Variants in COG8 observed in about 807,000 individuals in gnomAD.
COG8 encodes the protein conserved oligomeric Golgi complex subunit 8.
A neutral mutation model predicts 46.5 loss-of-function variants in COG8; 45 were observed. The ratio of observed to expected loss-of-function variants is 0.97; its 90% CI spans 0.76 to 1.24. The LOEUF (loss-of-function observed/expected upper bound fraction) is 1.24. Among genes scored for constraint, COG8 ranks in the 50% most tolerant of loss-of-function variants. The pLI is 0.00. For synonymous variants in COG8, 407 were observed against 347.8 expected (o/e 1.17, Z -1.90); for missense variants, 793 against 820.8 (o/e 0.97, Z 0.41).
intron 2 of COG8, among the ~76,000 whole-genome samples, chr16:69,336,265 A>C (rs554840962): frequency 1.5e-4 from 23 of 152,252 alleles, no homozygotes; most frequent in Middle Eastern, 3.4e-3. Context: ...TCCCATTAGC[A>C]CGTAAGCTGC....
In COG8 at chr16:69,328,718, G is replaced by A. The variant is rs907678392; in HGVS notation, c.*488C>T. On this transcript the variant is annotated 3_prime_UTR_variant, in exon 6 of 6. Transcript: ENST00000306875. ...TGGCTTTGGGAGATTATACAGGTCC[G>A]AGGAACTCGTGTCTACTGCAGACGA... The A allele has an allele frequency of 2.0e-5, 7 of 342,364 alleles. No individual in the cohort carries two copies. Among genetic ancestry groups the A allele is most frequent in the South Asian group, 1.0e-4 (3 of 29,934 alleles). The allele number at this position is 342,364 out of a possible 1,614,324, so 21.2% of individuals were successfully genotyped here.
In COG8 at chr16:69,334,836, C is replaced by A. The variant is rs573178649; in HGVS notation, c.1098G>T (p.Gln366His). 1.7e-5 allele frequency: 28 copies of A among 1,614,194 alleles called. No individual in the cohort carries two copies. The highest frequency in any genetic ancestry group is 3.3e-5 in the Admixed American group (2 of 60,020). Reference sequence around the variant, plus strand: ...CCACCCGCTGGAAAACAGGAGCCAACTGACCCCGGAAATCAGCTCCCACCC... The same window carrying A: ...CCACCCGCTGGAAAACAGGAGCCAAATGACCCCGGAAATCAGCTCCCACCC... ...FSRVGADFRG[Q>H]LAPVFQRVAI... The change falls in exon 3 of 6, where the codon CAG becomes CAT. Residue 366 changes from glutamine to histidine, a missense_variant. Transcript: ENST00000306875.
At position 69,327,832 on chromosome 16, in the gene COG8, T is replaced by G. The variant is rs1965648300; in HGVS notation, c.*1374A>C. ...TTTGAGGCCAGCCTGGGCAACATAGTAAGACCCCCGTCTCTATCTTAAAAA... is the reference window on the plus strand; with the variant it reads ...TTTGAGGCCAGCCTGGGCAACATAGGAAGACCCCCGTCTCTATCTTAAAAA... On this transcript the variant is annotated 3_prime_UTR_variant, in exon 6 of 6. Transcript: ENST00000306875. 6.6e-6 allele frequency: 1 copy of G among 150,772 alleles called. No individual in the cohort carries two copies. The highest frequency in any genetic ancestry group is 2.1e-4 in the South Asian group (1 of 4,790). 9.3% of individuals were successfully genotyped at this position (150,772 alleles called of 1,614,324 possible). A position where few individuals can be genotyped will look rare whatever the true frequency, so the allele number is the denominator to read the frequency against.
rs1264647679 is a variant in COG8 at position 69,336,519 on chromosome 16, TG to T, written c.570del (p.Ile191SerfsTer8). 1.9e-6 allele frequency: 3 copies of T among 1,613,984 alleles called. No homozygotes were observed. The highest frequency in any genetic ancestry group is 4.5e-5 in the East Asian group (2 of 44,902). Reference sequence around the variant, plus strand: ...AAGGTGGCTACCTGGATGACAGGGATGGAAGAGTATTTCCTCTCCAGTCGGC... The same window carrying T: ...AAGGTGGCTACCTGGATGACAGGGATGAAGAGTATTTCCTCTCCAGTCGGC... ...YVRRLERKYS[S>X]IPVIQGIVNE... is the part of the protein sequence containing the mutation. On this transcript the variant is annotated frameshift_variant, in exon 2 of 6. Coordinates refer to ENST00000306875, the MANE Select transcript of COG8 (RefSeq NM_032382.5). LOFTEE classifies it high-confidence loss of function.
intron 3 of COG8, among the ~76,000 whole-genome samples, chr16:69,333,624 TC>T (rs2012023120): frequency 6.6e-6 from 1 of 152,132 alleles, no homozygotes; most frequent in African/African-American, 2.4e-5. Context: ...AAGAGAAGTT[TC>T]AAAACCAACA....
At chr16:69,337,681 AGGC>A (rs2012280116) in intron 1 of COG8, among the ~76,000 whole-genome samples, 1 of 152,186 alleles carries the variant, frequency 6.6e-6, no homozygotes, top group Non-Finnish European at 1.5e-5. Context: ...TAATCATGAA[AGGC>A]TGGAAGGCAG....
intron 5 of COG8, chr16:69,329,919 C>A: frequency 7.1e-7 from 1 of 1,417,724 alleles, no homozygotes; most frequent in Non-Finnish European, 9.2e-7. Flanking sequence ...TGAACCGCGA[C>A]CACTTCTGCG....
rs769636954 is a variant in COG8, at chr16:69,334,913, G to A, written c.1021C>T (p.His341Tyr). ...CACTGGCCCAGCAGAGAGTCCAGGT[G>A]GCCGCCTATGCCCCGGTAAAGGTCG... ...ETDLYRGIGG[H>Y]LDSLLGQCMY... is the part of the protein sequence containing the mutation. The change falls in exon 3 of 6, where the codon CAC becomes TAC. Residue 341 changes from histidine (H) to tyrosine (Y), a missense_variant. His to Tyr is a moderately conservative substitution (Grantham distance 83). Coordinates refer to ENST00000306875, the MANE Select transcript of COG8 (RefSeq NM_032382.5). 9 of 1,614,178 alleles carry A rather than the reference G, an allele frequency of 5.6e-6. No individual in the cohort carries two copies. The highest frequency in any genetic ancestry group is 1.1e-5 in the South Asian group (1 of 91,084).
chr16:69,336,393 G>A, intron 2 of COG8, 112 bp downstream of exon 2: 1 of 956,042 alleles, frequency 1.0e-6, no homozygotes, highest in Non-Finnish European at 1.6e-6. Context: ...TACCTGGCTG[G>A]CAGAAACTGA....
At chr16:69,338,977 G>A (rs1238524242) in intron 1 of COG8, 199 bp downstream of exon 1, 5 of 745,120 alleles carry the variant, frequency 6.7e-6, no homozygotes, top group East Asian at 2.8e-5. Context: ...CTGGCGACAG[G>A]GCGAGACTCC....
intron 1 of COG8, 105 bp from the exon 2 acceptor site, chr16:69,336,817 A>T (rs1021958175): frequency 2.1e-5 from 21 of 1,011,820 alleles, no homozygotes; most frequent in Non-Finnish European, 3.2e-5. Flanking sequence ...GATCTATCTG[A>T]TTTATTCCTC....
chr16:69,337,443 AT>A (rs2012269679), intron 1 of COG8, among the ~76,000 whole-genome samples: 1 of 152,238 alleles, frequency 6.6e-6, no homozygotes, highest in Admixed American at 6.5e-5. Flanking sequence ...AGTAGCTATC[AT>A]TATTTTCAAA....
At chr16:69,332,978 T>A in intron 3 of COG8, 96 bp from the exon 4 acceptor site, 1 of 1,136,608 alleles carries the variant, frequency 8.8e-7, no homozygotes, top group Non-Finnish European at 1.3e-6. Context: ...CCCCTCCAGT[T>A]TTCCTGAACA....
chr16:69,336,791 G>C (rs1214000666), intron 1 of COG8, 79 bp from the exon 2 acceptor site: 4 of 1,221,556 alleles, frequency 3.3e-6, no homozygotes, highest in Admixed American at 1.8e-5. Context: ...TACCTGCTAT[G>C]AACATTGGGC....
Position 69,335,079 on chromosome 16 carries a change from G to A in COG8, c.855C>T (p.Ile285=), listed in dbSNP as rs1466320461. The change falls in exon 3 of 6, where the codon ATC becomes ATT. Residue 285 remains isoleucine, a synonymous_variant. Coordinates refer to ENST00000306875, the MANE Select transcript of COG8 (RefSeq NM_032382.5). ...IEASRVHLFD[I]ITQYRAIFSD... is the part of the protein sequence containing the mutation. ...AGAAGATGGCACGGTACTGGGTGATGATATCAAAGAGATGGACACGGGAGG... is the reference window on the plus strand; with the variant it reads ...AGAAGATGGCACGGTACTGGGTGATAATATCAAAGAGATGGACACGGGAGG... 6.2e-7 allele frequency: 1 copy of A among 1,614,094 alleles called. No homozygotes were observed. Among genetic ancestry groups the A allele is most frequent in the African/African-American group, 1.3e-5 (1 of 74,928 alleles).
chr16:69,333,550 TCTA>T (rs555877769), intron 3 of COG8, among the ~76,000 whole-genome samples: 103 of 152,366 alleles, frequency 6.8e-4, no homozygotes, highest in African/African-American at 2.4e-3. Flanking sequence ...ATACAAGCTT[TCTA>T]CTAAGCCCCG....
At position 69,334,609 on chromosome 16, in the gene COG8, A is replaced by C; in HGVS notation, c.1325T>G (p.Ile442Ser). ...FPPLACFLNN[I>S]LVAFNDLRLC... ...GCGCAGATCATTGAAGGCAACCAGA[A>C]TATTGTTGAGAAAGCAGGCGAGGGG... The change falls in exon 3 of 6, where the codon ATT (isoleucine) becomes AGT (serine). Residue 442 changes from isoleucine to serine, a missense_variant. Coordinates refer to ENST00000306875, the MANE Select transcript of COG8 (RefSeq NM_032382.5). 2.5e-6 allele frequency: 4 copies of C among 1,614,174 alleles called. No individual in the cohort carries two copies. The highest frequency in any genetic ancestry group is 3.3e-4 in the Middle Eastern group (2 of 6,062).
chr16:69,336,801 C>G lies in COG8; in HGVS notation c.378-89G>C, dbSNP rs892245829. On this transcript the variant is annotated intron_variant, in intron 1 of 5. Transcript: ENST00000306875. ...CCAAGTACCTGCTATGAACATTGGG[C>G]TGGATGATCTATCTGATTTATTCCT... The G allele has an allele frequency of 4.4e-6, 5 of 1,125,040 alleles. No homozygotes were observed. In the Admixed American group the frequency reaches 9.2e-5, roughly 21 times the overall value. 69.7% of individuals were successfully genotyped at this position (1,125,040 alleles called of 1,614,324 possible). A position where few individuals can be genotyped will look rare whatever the true frequency, so the allele number is the denominator to read the frequency against.
chr16:69,335,856 G>C (rs528088542), intron 2 of COG8, among the ~76,000 whole-genome samples: 95 of 150,894 alleles, frequency 6.3e-4, no homozygotes, highest in Non-Finnish European at 1.3e-3. Context: ...AAATCCTCCA[G>C]TGACTTCCCA....
Sources: gnomAD v4.1 joint callset for allele counts (sites outside exome capture counted in the v4.1 genomes callset) on GRCh38, gnomAD v4.1.1 for gene constraint, MANE v1.5 for transcripts, NCBI Gene and HGNC (gene_info 2026-07-23, HGNC 2026-07-21) for gene names.